The following PTPRO variants were observed in gnomAD, a reference collection of about 807,000 sequenced individuals.
PTPRO encodes receptor-type tyrosine-protein phosphatase O.
PTPRO carries 62 observed loss-of-function variants against 145.2 expected under a neutral mutation model. The observed-to-expected ratio is 0.43, with a 90% CI of 0.35 to 0.53. The LOEUF is 0.53. Ranked by LOEUF, PTPRO falls within the 20% of genes least tolerant of loss-of-function variation. The pLI is 0.01. For missense variants in PTPRO, 1,345 were observed against 1,482.7 expected (o/e 0.91, Z 1.53); for synonymous variants, 565 against 514.7 (o/e 1.10, Z -1.32).
At chr12:15,474,126 T>C (rs1364920459) in intron 1 of PTPRO, among the ~76,000 whole-genome samples, 1 of 151,916 alleles carries the variant, frequency 6.6e-6, no homozygotes, top group Non-Finnish European at 1.5e-5. Context: ...CTGTGAGGAG[T>C]AAAAGAAAAA....
At chr12:15,487,038 A>C (rs1308772812) in intron 2 of PTPRO, among the ~76,000 whole-genome samples, 2 of 152,026 alleles carry the variant, frequency 1.3e-5, no homozygotes, top group African/African-American at 4.8e-5. Context: ...TCAGTGTTTC[A>C]GTTTCACCCT....
intron 14 of PTPRO, among the ~76,000 whole-genome samples, chr12:15,550,899 G>A (rs1279777011): frequency 6.6e-6 from 1 of 152,148 alleles, no homozygotes; most frequent in East Asian, 1.9e-4. Context: ...TGCCACAGGA[G>A]ACAAGTCTTT....
In PTPRO at chr12:15,458,103, T is replaced by C. The variant is rs138138823; in HGVS notation, c.76-25871T>C. 1.6e-3 allele frequency among the ~76,000 whole-genome samples: 244 copies of C among 152,346 alleles called. 2 individuals are homozygous for C. Among genetic ancestry groups the C allele is most frequent in the African/African-American group, 5.5e-3 (229 of 41,600 alleles). ...GAAAGTCATTATCTCTCCTTCATTT[T>C]TGAATGATGGTGTTGGCCATATATA... On this transcript the variant is annotated intron_variant, in intron 1 of 26. Transcript: ENST00000281171.
chr12:15,365,199 T>A (rs949994068), intron 1 of PTPRO, among the ~76,000 whole-genome samples: 1 of 152,128 alleles, frequency 6.6e-6, no homozygotes, highest in African/African-American at 2.4e-5. Context: ...GAACCCTACA[T>A]TCTGGGTGTC....
Position 15,516,940 on chromosome 12 carries a change from C to G in PTPRO, c.1763C>G (p.Ser588Cys), listed in dbSNP as rs1942612293. 4 of 1,613,466 alleles carry G rather than the reference C, an allele frequency of 2.5e-6. No individual in the cohort carries two copies. The highest frequency in any genetic ancestry group is 3.4e-6 in the Non-Finnish European group (4 of 1,179,372). The stretch of plus-strand genomic sequence containing the variant: ...TACTATGAAATAGCAGCAACTGTTT[C>G]CTTAACTGCATCCGTGGTAATCTTC... ...TTYYEIAATV[S>C]LTASVRIANL... The change falls in exon 9 of 27, where the codon TCC becomes TGC. Residue 588 changes from serine to cysteine, a missense_variant. By Grantham distance (112) the Ser-to-Cys change is moderately radical. Transcript: ENST00000281171.
chr12:15,354,381 G>A (rs1343248915), intron 1 of PTPRO, among the ~76,000 whole-genome samples: 1 of 151,924 alleles, frequency 6.6e-6, no homozygotes, highest in Non-Finnish European at 1.5e-5. Context: ...TTTCACAGGG[G>A]GTCTTTTCAA....
chr12:15,461,503 C>T (rs140880392), intron 1 of PTPRO, among the ~76,000 whole-genome samples: 1 of 148,148 alleles, frequency 6.8e-6, no homozygotes, highest in East Asian at 2.1e-4. Flanking sequence ...CTCTTTTTGT[C>T]AACATCTTCA....
At position 15,497,548 on chromosome 12, in the gene PTPRO, A is replaced by T. The variant is rs571289140; in HGVS notation, c.508+145A>T. The T allele has an allele frequency of 6.6e-5, 62 of 938,006 alleles. 1 individual carries two copies. In the East Asian group the frequency reaches 1.6e-3, roughly 25 times the overall value. 58.1% of individuals were successfully genotyped at this position (938,006 alleles called of 1,614,324 possible). A position where few individuals can be genotyped will look rare whatever the true frequency, so the allele number is the denominator to read the frequency against. On this transcript the variant is annotated intron_variant, in intron 3 of 26. Transcript: ENST00000281171. ...AGCCATTAAAAATAATTATTGATTT[A>T]TGAAAATCGTGTTATGAGGAAGCCT...
At chr12:15,409,262 C>T (rs897374493) in intron 1 of PTPRO, among the ~76,000 whole-genome samples, 3 of 152,090 alleles carry the variant, frequency 2.0e-5, no homozygotes, top group African/African-American at 7.2e-5. Context: ...TTTGAGATAC[C>T]TGACAAAAAA....
chr12:15,550,128 A>G (rs936754814), intron 14 of PTPRO, among the ~76,000 whole-genome samples: 10 of 152,208 alleles, frequency 6.6e-5, no homozygotes, highest in African/African-American at 2.2e-4. Flanking sequence ...TCAAAACTTA[A>G]CTACTCATAG....
In PTPRO at chr12:15,551,673, T is replaced by G; in HGVS notation, c.2558+2T>G. The G allele has an allele frequency of 6.2e-7, 1 of 1,613,054 alleles. No homozygotes were observed. Among genetic ancestry groups the G allele is most frequent in the African/African-American group, 1.3e-5 (1 of 74,988 alleles). On this transcript the variant is annotated splice_donor_variant, in intron 15 of 26. Coordinates refer to ENST00000281171, the MANE Select transcript of PTPRO (RefSeq NM_030667.3). LOFTEE classifies it high-confidence loss of function. Reference sequence around the variant, plus strand: ...GAAAAAGCATCTGCAGATGGCTAGGTAAGTTAAGTTTTACTAATATTTTAT... The same window carrying G: ...GAAAAAGCATCTGCAGATGGCTAGGGAAGTTAAGTTTTACTAATATTTTAT...
At chr12:15,439,470 C>T (rs1355993696) in intron 1 of PTPRO, 1 of 204,790 alleles carries the variant, frequency 4.9e-6, no homozygotes, top group Non-Finnish European at 9.9e-6. Flanking sequence ...CTAAAAGACA[C>T]AGAGCTGCAA....
At chr12:15,498,340 C>T (rs1245100299) in intron 3 of PTPRO, among the ~76,000 whole-genome samples, 1 of 152,046 alleles carries the variant, frequency 6.6e-6, no homozygotes, top group African/African-American at 2.4e-5. Flanking sequence ...AGATCACTTG[C>T]GTTCAGGAGT....
At chr12:15,420,014 G>A (rs1318196403) in intron 1 of PTPRO, among the ~76,000 whole-genome samples, 1 of 151,390 alleles carries the variant, frequency 6.6e-6, no homozygotes, top group Non-Finnish European at 1.5e-5. Context: ...GGGCGCGGTG[G>A]CGGGCGCCCA....
chr12:15,482,340 G>A (rs550936907), intron 1 of PTPRO, among the ~76,000 whole-genome samples: 2 of 152,188 alleles, frequency 1.3e-5, no homozygotes, highest in Admixed American at 6.5e-5. Flanking sequence ...AAACTTGCAA[G>A]TTGCTCTAGC....
At chr12:15,555,746 C>A (rs1054065491) in intron 15 of PTPRO, among the ~76,000 whole-genome samples, 2 of 152,096 alleles carry the variant, frequency 1.3e-5, no homozygotes, top group Admixed American at 6.5e-5. Flanking sequence ...TGCTATGATC[C>A]TTTTTGGCAG....
intron 6 of PTPRO, among the ~76,000 whole-genome samples, chr12:15,504,307 T>C (rs1942278085): frequency 1.3e-5 from 2 of 152,130 alleles, no homozygotes; most frequent in South Asian, 4.1e-4. Flanking sequence ...ATTGTGATAA[T>C]TGAACATTTA....
intron 1 of PTPRO, among the ~76,000 whole-genome samples, chr12:15,452,846 C>A (rs946347166): frequency 6.6e-6 from 1 of 152,066 alleles, no homozygotes. Flanking sequence ...ATCATTACAA[C>A]CCAGGAAACA....
At chr12:15,539,822 G>T (rs941443531) in intron 12 of PTPRO, among the ~76,000 whole-genome samples, 7 of 128,736 alleles carry the variant, frequency 5.4e-5, no homozygotes, top group African/African-American at 2.0e-4. Context: ...TAATGCAAAT[G>T]ACAGACATTT....
Sources: gnomAD v4.1 joint callset for allele counts (sites outside exome capture counted in the v4.1 genomes callset) on GRCh38, gnomAD v4.1.1 for gene constraint, MANE v1.5 for transcripts, NCBI Gene and HGNC (gene_info 2026-07-23, HGNC 2026-07-21) for gene names.